The following ZNF595 variants were observed in gnomAD, a reference collection of about 807,000 sequenced individuals.
ZNF595 encodes zinc finger protein 595.
In ZNF595, 9 loss-of-function variants were observed where a neutral mutation model predicts 19.4. That is an observed-to-expected ratio of 0.46 (90% CI 0.28 to 0.81). The LOEUF (loss-of-function observed/expected upper bound fraction) is 0.81, where lower values mean the gene tolerates loss of function less well. Ranked by LOEUF, ZNF595 falls within the 30% of genes least tolerant of loss-of-function variation. ZNF595 has a pLI of 0.11. For synonymous variants in ZNF595, 255 were observed against 255.9 expected, an observed-to-expected ratio of 1.00 and a Z score of 0.03; for missense variants, 729 against 736.0, an observed-to-expected ratio of 0.99 and a Z score of 0.11.
At chr4:75,790 G>A (rs1553798601) in intron 3 of ZNF595, among the ~76,000 whole-genome samples, 1 of 147,700 alleles carries the variant, frequency 6.8e-6, no homozygotes, top group East Asian at 2.0e-4. Flanking sequence ...ATCTACTACA[G>A]ATTTTTGGGG....
chr4:64,747 C>T (rs1440190694), intron 3 of ZNF595, among the ~76,000 whole-genome samples: 1 of 152,306 alleles, frequency 6.6e-6, no homozygotes, highest in East Asian at 1.9e-4. Context: ...TTTGGACAGT[C>T]ATGGATTCTT....
chr4:86,995 A>G lies in ZNF595; in HGVS notation c.1491A>G (p.Glu497=). ...KAFIWSASLN[E]HKNIHTGEKP... is the part of the protein sequence containing the mutation. ...TCATATGGTCCGCAAGCCTGAATGA[A>G]CATAAGAATATTCATACTGGAGAGA... The change falls in exon 4 of 4, where the codon GAA becomes GAG. Residue 497 remains glutamate, a synonymous_variant. Coordinates refer to ENST00000610261, the MANE Select transcript of ZNF595 (RefSeq NM_182524.4). 2 of 1,614,084 alleles carry G rather than the reference A, an allele frequency of 1.2e-6. No homozygotes were observed. Among genetic ancestry groups the G allele is most frequent in the Non-Finnish European group, 1.7e-6 (2 of 1,179,972 alleles).
At chr4:73,205 G>C (rs1253383161) in intron 3 of ZNF595, among the ~76,000 whole-genome samples, 1 of 151,584 alleles carries the variant, frequency 6.6e-6, no homozygotes, top group African/African-American at 2.4e-5. Flanking sequence ...AAATGAGGCA[G>C]AAAAGGGCTA....
chr4:88,203 G>T lies in ZNF595; in HGVS notation c.*752G>T, dbSNP rs1714323901. 1 of 152,156 alleles carries T rather than the reference G, an allele frequency of 6.6e-6. No individual in the cohort carries two copies. The highest frequency in any genetic ancestry group is 1.9e-4 in the East Asian group (1 of 5,182). 9.4% of individuals were successfully genotyped at this position (152,156 alleles called of 1,614,324 possible). On this transcript the variant is annotated 3_prime_UTR_variant, in exon 4 of 4. Transcript: ENST00000610261. ...GCAAATAAATGCAGACTTTGGTTTT[G>T]ATTTACATGGAGTTAAATATGTAAA...
At chr4:73,252 G>A (rs1553798137) in intron 3 of ZNF595, among the ~76,000 whole-genome samples, 1 of 152,176 alleles carries the variant, frequency 6.6e-6, no homozygotes, top group Non-Finnish European at 1.5e-5. Context: ...TTAGAAAGTA[G>A]GTGTGAGGGA....
chr4:62,080 A>G (rs1211128455), intron 3 of ZNF595, among the ~76,000 whole-genome samples: 1 of 116,418 alleles, frequency 8.6e-6, no homozygotes, highest in Non-Finnish European at 1.7e-5. Context: ...CAGTATTACT[A>G]TAAAGACAAT....
At position 74,036 on chromosome 4, in the gene ZNF595, G is replaced by A. The variant is rs182001056; in HGVS notation, c.227-11695G>A. Among the ~76,000 whole-genome samples, 525 of 152,206 alleles carry A rather than the reference G, an allele frequency of 3.4e-3. 4 individuals carry two copies. The highest frequency in any genetic ancestry group is 0.012 in the African/African-American group (508 of 41,500). On this transcript the variant is annotated intron_variant, in intron 3 of 3. Transcript: ENST00000610261. ...AGAATAAAGATATCAGACCAGGTGC[G>A]GTGGCTCACACCTGTAATCCTAATA...
At chr4:77,147 A>T (rs28831469) in intron 3 of ZNF595, among the ~76,000 whole-genome samples, 2,455 of 148,186 alleles carry the variant, frequency 0.017, 74 homozygotes, top group African/African-American at 0.057. Flanking sequence ...TTTTTTTTTT[A>T]AATTAGGAAC....
chr4:85,090 C>T (rs563279739), intron 3 of ZNF595, among the ~76,000 whole-genome samples: 2 of 152,164 alleles, frequency 1.3e-5, no homozygotes, highest in Non-Finnish European at 2.9e-5. Context: ...ATGGGAGCCT[C>T]TCATACATGT....
rs782725529 is a variant in ZNF595, at chr4:86,485, G to T, written c.981G>T (p.Leu327=). ...AAGCCTTTAGACAGTCCAGGAGCCT[G>T]AATGAACATAAAAATATTCATACTG... ...CGKAFRQSRS[L]NEHKNIHTGE... Residue 327 remains leucine (L), a synonymous_variant, in exon 4 of 4, where the codon CTG becomes CTT. Transcript: ENST00000610261. 4 of 1,613,028 alleles carry T rather than the reference G, an allele frequency of 2.5e-6. No homozygotes were observed. Among genetic ancestry groups the T allele is most frequent in the African/African-American group, 1.3e-5 (1 of 74,598 alleles).
At chr4:73,386 A>G (rs1462636304) in intron 3 of ZNF595, among the ~76,000 whole-genome samples, 2 of 152,216 alleles carry the variant, frequency 1.3e-5, no homozygotes, top group African/African-American at 4.8e-5. Context: ...AAGGTGGAGC[A>G]GAGTCCAGGG....
At chr4:75,821 T>C (rs1581378819) in intron 3 of ZNF595, among the ~76,000 whole-genome samples, 1 of 151,780 alleles carries the variant, frequency 6.6e-6, no homozygotes, top group East Asian at 1.9e-4. Context: ...TTGTTTTTTT[T>C]TTTTTAGAAT....
rs1279468144 is a variant in ZNF595 at position 82,228 on chromosome 4, T to G, written c.227-3503T>G. ...TTGCTATTTCTATTTCTGCAAAAAT[T>G]TAATTAAAAATGTGACAGAGATTGC... On this transcript the variant is annotated intron_variant, in intron 3 of 3. Transcript: ENST00000610261. 2.6e-5 allele frequency among the ~76,000 whole-genome samples: 4 copies of G among 152,128 alleles called. No individual in the cohort carries two copies. The East Asian group carries it at 7.7e-4, about 29-fold the overall frequency.
At chr4:75,101 T>C (rs1713594270) in intron 3 of ZNF595, among the ~76,000 whole-genome samples, 1 of 152,184 alleles carries the variant, frequency 6.6e-6, no homozygotes. Flanking sequence ...ATTATTGACA[T>C]GGAATATTCT....
At chr4:68,932 CCTT>C (rs1478265520) in intron 3 of ZNF595, among the ~76,000 whole-genome samples, 1 of 152,328 alleles carries the variant, frequency 6.6e-6, no homozygotes, top group Admixed American at 6.5e-5. Context: ...TGATAACAAT[CCTT>C]CTGCTTTCTA....
chr4:79,342 C>T (rs1371276016), intron 3 of ZNF595, among the ~76,000 whole-genome samples: 7 of 152,188 alleles, frequency 4.6e-5, no homozygotes, highest in African/African-American at 1.7e-4. Flanking sequence ...TGATACTGAT[C>T]TCTAAAGGGA....
intron 3 of ZNF595, among the ~76,000 whole-genome samples, chr4:82,371 G>GTTTTTTTTTTTTTTT (rs1560092266): frequency 1.0e-5 from 1 of 97,714 alleles, no homozygotes; most frequent in African/African-American, 3.6e-5. Flanking sequence ...TTTGGTTTGT[G>GTTTTTTTTTTTTTTT]GTTTTTTTTT....
intron 3 of ZNF595, among the ~76,000 whole-genome samples, chr4:75,249 T>A (rs1713600612): frequency 6.6e-6 from 1 of 152,246 alleles, no homozygotes; most frequent in African/African-American, 2.4e-5. Flanking sequence ...ATCCTAGAGT[T>A]GGTAATTTAT....
At chr4:78,295 A>G (rs1466209353) in intron 3 of ZNF595, among the ~76,000 whole-genome samples, 1 of 152,224 alleles carries the variant, frequency 6.6e-6, no homozygotes, top group Non-Finnish European at 1.5e-5. Flanking sequence ...GGCGTGAGCC[A>G]CCGCGCCCGA....
Sources: gnomAD v4.1 joint callset for allele counts (sites outside exome capture counted in the v4.1 genomes callset) on GRCh38, gnomAD v4.1.1 for gene constraint, MANE v1.5 for transcripts, NCBI Gene and HGNC (gene_info 2026-07-23, HGNC 2026-07-21) for gene names.